Variants in E2F8 observed in about 807,000 individuals in gnomAD.
E2F8 encodes transcription factor E2F8.
A neutral mutation model predicts 80.8 loss-of-function variants in E2F8; 35 were observed. The ratio of observed to expected loss-of-function variants is 0.43; its 90% CI spans 0.33 to 0.57. The LOEUF is 0.57. E2F8 is among the 20% of genes least tolerant of loss of function. The pLI is 0.04. For missense variants in E2F8, 975 were observed against 1,056.2 expected, an observed-to-expected ratio of 0.92 and a Z score of 1.07; for synonymous variants, 386 against 395.0, an observed-to-expected ratio of 0.98 and a Z score of 0.27.
intron 4 of E2F8, among the ~76,000 whole-genome samples, chr11:19,236,165 C>T (rs1365720025): frequency 2.6e-5 from 4 of 152,200 alleles, no homozygotes; most frequent in Non-Finnish European, 5.9e-5. Flanking sequence ...CAGATATGCA[C>T]TTGCTTTGTA....
intron 12 of E2F8, 174 bp from the exon 13 acceptor site, chr11:19,225,014 G>A (rs965275958): frequency 1.2e-5 from 13 of 1,115,040 alleles, no homozygotes; most frequent in Non-Finnish European, 1.6e-5. Flanking sequence ...TTTTGTTAGG[G>A]GAGAGACAAA....
Position 19,234,345 on chromosome 11 carries a change from A to G in E2F8, c.928+15T>C. On this transcript the variant is annotated intron_variant, in intron 6 of 12. Coordinates refer to ENST00000250024, the MANE Select transcript of E2F8 (RefSeq NM_024680.4). ...AAGAATAGGTTCAAAAATCCATGGC[A>G]GTCATGACACTTACTTTTAAACTTG... 6.2e-7 allele frequency: 1 copy of G among 1,612,312 alleles called. No individual in the cohort carries two copies. The highest frequency in any genetic ancestry group is 8.5e-7 in the Non-Finnish European group (1 of 1,179,442).
chr11:19,224,666 C>T lies in E2F8; in HGVS notation c.2596G>A (p.Val866Ile). ...QRKLEVSTED[V>I]H ...AAGCCAACATCTGTTGATTAATGGA[C>T]ATCCTCTGTTGAGACTTCCAGTTTT... The change falls in exon 13 of 13, where the codon GTC becomes ATC. Residue 866 changes from valine (V) to isoleucine (I), a missense_variant. Transcript: ENST00000250024. The T allele has an allele frequency of 6.2e-7, 1 of 1,613,838 alleles. No individual in the cohort carries two copies. The highest frequency in any genetic ancestry group is 2.2e-5 in the East Asian group (1 of 44,892).
intron 6 of E2F8, among the ~76,000 whole-genome samples, chr11:19,233,379 TA>T (rs1851428235): frequency 6.6e-6 from 1 of 152,230 alleles, no homozygotes; most frequent in Non-Finnish European, 1.5e-5. Context: ...GGGACAATTT[TA>T]TGAGTCATTT....
rs554452559 is a variant in E2F8 at position 19,227,733 on chromosome 11, G to A, written c.1893+1721C>T. On this transcript the variant is annotated intron_variant, in intron 10 of 12. Transcript: ENST00000250024. ...TATAAATTCTCAGTAAAAATTTGTT[G>A]AATGAATTAACACATGACTCTCTCA... 1.5e-3 allele frequency among the ~76,000 whole-genome samples: 235 copies of A among 152,202 alleles called. 1 individual carries two copies. Among genetic ancestry groups the A allele is most frequent in the Non-Finnish European group, 2.9e-3 (195 of 68,024 alleles).
At chr11:19,235,678 AC>A (rs1565071785) in intron 4 of E2F8, among the ~76,000 whole-genome samples, 1 of 147,434 alleles carries the variant, frequency 6.8e-6, no homozygotes, top group East Asian at 2.0e-4. Context: ...AAAAAAAAAA[AC>A]GATGAGAAAA....
Position 19,234,764 on chromosome 11 carries a change from G to C in E2F8, c.746C>G (p.Pro249Arg). ...GHPDMCFVEL[P>R]GVEFRAASVN... ...CTCACCTGCCCGAAATTCCACTCCAGGGAGTTCCACAAAACACATGTCTGG... is the reference window on the plus strand; with the variant it reads ...CTCACCTGCCCGAAATTCCACTCCACGGAGTTCCACAAAACACATGTCTGG... Residue 249 changes from proline (P) to arginine (R), a missense_variant, in exon 5 of 13, where the codon CCT (proline) becomes CGT (arginine). By Grantham distance (103) the Pro-to-Arg change is moderately radical (BLOSUM62 -2). Coordinates refer to ENST00000250024, the MANE Select transcript of E2F8 (RefSeq NM_024680.4). 1 of 1,612,504 alleles carries C rather than the reference G, an allele frequency of 6.2e-7. No homozygotes were observed. Among genetic ancestry groups the C allele is most frequent in the South Asian group, 1.1e-5 (1 of 90,894 alleles).
chr11:19,236,738 C>T (rs775380659), intron 4 of E2F8, among the ~76,000 whole-genome samples: 1 of 152,148 alleles, frequency 6.6e-6, no homozygotes, highest in Non-Finnish European at 1.5e-5. Flanking sequence ...AATTAAGATA[C>T]CCACATGACT....
At chr11:19,227,883 T>C (rs1428527788) in intron 10 of E2F8, among the ~76,000 whole-genome samples, 1 of 152,010 alleles carries the variant, frequency 6.6e-6, no homozygotes. Flanking sequence ...AGCTCAGGAG[T>C]TCGAGACCAG....
intron 3 of E2F8, 132 bp downstream of exon 3, chr11:19,237,722 G>A: frequency 8.0e-7 from 1 of 1,247,762 alleles, no homozygotes; most frequent in Non-Finnish European, 1.1e-6. Context: ...AACCTTTCTG[G>A]TGCTCCGAAG....
rs1242831734 is a variant in E2F8 at position 19,224,489 on chromosome 11, G to C, written c.*169C>G. The C allele has an allele frequency of 1.6e-5, 9 of 547,788 alleles. No homozygotes were observed. Among genetic ancestry groups the C allele is most frequent in the African/African-American group, 1.6e-4 (8 of 51,300 alleles). The allele number at this position is 547,788 out of a possible 1,614,324, so 33.9% of individuals were successfully genotyped here. On this transcript the variant is annotated 3_prime_UTR_variant, in exon 13 of 13. Transcript: ENST00000250024. ...AATATATGTGTGTGTGTGTGTGTGT[G>C]TGTGTGTGTATATATATATATGTAT...
At chr11:19,228,548 G>A (rs1018098319) in intron 10 of E2F8, among the ~76,000 whole-genome samples, 1 of 152,228 alleles carries the variant, frequency 6.6e-6, no homozygotes, top group Admixed American at 6.5e-5. Flanking sequence ...CAGGTGCTGG[G>A]TTAGATTTGA....
In E2F8 at chr11:19,224,773, G is replaced by C. The variant is rs1334377178; in HGVS notation, c.2489C>G (p.Pro830Arg). The change falls in exon 13 of 13, where the codon CCC (proline) becomes CGC (arginine). Residue 830 changes from proline to arginine, a missense_variant. Transcript: ENST00000250024. ...GCAGGATGAGCTGGTTGGCTTGGTGGGTCCACCTGGGGTACGGAAGAAACT... is the reference window on the plus strand; with the variant it reads ...GCAGGATGAGCTGGTTGGCTTGGTGCGTCCACCTGGGGTACGGAAGAAACT... ...AESFFRTPGG[P>R]TKPTSSSCMD... The C allele has an allele frequency of 6.2e-7, 1 of 1,614,172 alleles. No individual in the cohort carries two copies. Among genetic ancestry groups the C allele is most frequent in the Admixed American group, 1.7e-5 (1 of 60,022 alleles).
intron 8 of E2F8, 22 bp from the exon 9 acceptor site, chr11:19,230,350 G>C (rs1040612419): frequency 6.9e-6 from 11 of 1,605,734 alleles, no homozygotes; most frequent in Middle Eastern, 1.6e-4. Flanking sequence ...GAAAGGAAGA[G>C]AGCACCGGTC....
intron 4 of E2F8, among the ~76,000 whole-genome samples, chr11:19,235,624 G>C (rs1246333564): frequency 4.0e-5 from 6 of 151,766 alleles, no homozygotes; most frequent in Non-Finnish European, 8.8e-5. Context: ...ACTCCAGCCT[G>C]GGCGAAAGAG....
At chr11:19,239,397 C>A (rs1463490211) in intron 2 of E2F8, among the ~76,000 whole-genome samples, 3 of 152,102 alleles carry the variant, frequency 2.0e-5, no homozygotes, top group African/African-American at 7.2e-5. Flanking sequence ...TTATCAGAAG[C>A]AATAGTAATT....
chr11:19,225,730 A>G lies in E2F8; in HGVS notation c.2026+2T>C. Reference sequence around the variant, plus strand: ...TCTGGTTAGTGTTTTATGTGCACTCACCTGCAATTGGGGAGCTGTAAATCC... The same window carrying G: ...TCTGGTTAGTGTTTTATGTGCACTCGCCTGCAATTGGGGAGCTGTAAATCC... On this transcript the variant is annotated splice_donor_variant, in intron 11 of 12. Coordinates refer to ENST00000250024, the MANE Select transcript of E2F8 (RefSeq NM_024680.4). LOFTEE classifies it high-confidence loss of function. The G allele has an allele frequency of 6.2e-7, 1 of 1,614,164 alleles. No individual in the cohort carries two copies. Among genetic ancestry groups the G allele is most frequent in the South Asian group, 1.1e-5 (1 of 91,066 alleles).
At chr11:19,230,464 C>T (rs1851348460) in intron 8 of E2F8, 136 bp from the exon 9 acceptor site, 2 of 1,191,868 alleles carry the variant, frequency 1.7e-6, no homozygotes, top group African/African-American at 1.6e-5. Flanking sequence ...AACAATAAAC[C>T]CCACAAATGA....
chr11:19,226,047 A>G (rs1311648352), intron 10 of E2F8, 183 bp from the exon 11 acceptor site: 41 of 625,438 alleles, frequency 6.6e-5, no homozygotes, highest in Non-Finnish European at 8.0e-5. Flanking sequence ...ACCCTTCCCA[A>G]TGCTTGCCCC....
Sources: gnomAD v4.1 joint callset for allele counts (sites outside exome capture counted in the v4.1 genomes callset) on GRCh38, gnomAD v4.1.1 for gene constraint, MANE v1.5 for transcripts, NCBI Gene and HGNC (gene_info 2026-07-23, HGNC 2026-07-21) for gene names.